LHFPL3: variants seen among roughly 807,000 people sequenced by gnomAD.
LHFPL3 encodes the protein LHFPL tetraspan subfamily member 3.
A neutral mutation model predicts 19.3 loss-of-function variants in LHFPL3; 5 were observed. The ratio of observed to expected loss-of-function variants is 0.26; its 90% CI spans 0.14 to 0.54. The LOEUF (loss-of-function observed/expected upper bound fraction) is 0.54. Among genes scored for constraint, LHFPL3 ranks in the 20% least tolerant of loss-of-function variants. The pLI is 0.94. For synonymous variants in LHFPL3, 133 were observed against 126.2 expected (o/e 1.05, Z -0.36); for missense variants, 249 against 307.4 (o/e 0.81, Z 1.42).
intron 1 of LHFPL3, among the ~76,000 whole-genome samples, chr7:104,548,025 G>C (rs1319725445): frequency 1.3e-5 from 2 of 152,104 alleles, no homozygotes; most frequent in African/African-American, 2.4e-5. Context: ...CATGCATCTA[G>C]GCAAATATGA....
intron 1 of LHFPL3, among the ~76,000 whole-genome samples, chr7:104,697,699 T>G (rs1793023936): frequency 6.6e-6 from 1 of 152,248 alleles, no homozygotes; most frequent in African/African-American, 2.4e-5. Flanking sequence ...CTTGAGCTTT[T>G]CATCTAACTT....
intron 1 of LHFPL3, among the ~76,000 whole-genome samples, chr7:104,659,704 T>C (rs1308609953): frequency 1.3e-5 from 2 of 152,150 alleles, no homozygotes; most frequent in Non-Finnish European, 2.9e-5. Context: ...TAGAAGGCCT[T>C]CACATTTGCG....
chr7:104,339,183 C>T (rs188070375), intron 1 of LHFPL3, among the ~76,000 whole-genome samples: 87 of 151,934 alleles, frequency 5.7e-4, no homozygotes, highest in African/African-American at 1.9e-3. Context: ...AGGAGGTGGA[C>T]GTTGCAGTGA....
At chr7:104,767,226 G>C (rs1794470334) in intron 2 of LHFPL3, among the ~76,000 whole-genome samples, 1 of 152,214 alleles carries the variant, frequency 6.6e-6, no homozygotes, top group Admixed American at 6.5e-5. Context: ...TATAGAAACT[G>C]TCACGATCAG....
Position 104,906,604 on chromosome 7 carries a change from G to T in LHFPL3, c.*389G>T, listed in dbSNP as rs1792620621. On this transcript the variant is annotated 3_prime_UTR_variant, in exon 3 of 3. Transcript: ENST00000424859. ...TTTTAAATCAAACTGAAAACAAAAA[G>T]CTTTAACCTTTCAACAGAATTTTTA... The T allele has an allele frequency of 1.1e-5, 2 of 182,728 alleles. No homozygotes were observed. Among genetic ancestry groups the T allele is most frequent in the Non-Finnish European group, 2.3e-5 (2 of 88,408 alleles). 11.3% of individuals were successfully genotyped at this position (182,728 alleles called of 1,614,324 possible).
intron 1 of LHFPL3, among the ~76,000 whole-genome samples, chr7:104,411,884 C>G (rs727789): frequency 6.6e-6 from 1 of 152,082 alleles, no homozygotes; most frequent in Non-Finnish European, 1.5e-5. Context: ...ACATACCAAG[C>G]AAGTAGCAAT....
chr7:104,371,152 T>G (rs180704298), intron 1 of LHFPL3, among the ~76,000 whole-genome samples: 3 of 152,348 alleles, frequency 2.0e-5, no homozygotes, highest in Admixed American at 1.3e-4. Flanking sequence ...TTTTTCTGAA[T>G]TCTTGAGAGC....
At chr7:104,589,519 T>A (rs1790660114) in intron 1 of LHFPL3, among the ~76,000 whole-genome samples, 2 of 152,156 alleles carry the variant, frequency 1.3e-5, no homozygotes, top group South Asian at 4.2e-4. Flanking sequence ...TTTGCCGGTA[T>A]TTTTTTTAGG....
chr7:104,502,696 A>C (rs1235312929), intron 1 of LHFPL3, among the ~76,000 whole-genome samples: 1 of 152,214 alleles, frequency 6.6e-6, no homozygotes, highest in African/African-American at 2.4e-5. Flanking sequence ...GGACTAAGAA[A>C]TGTGACTTGC....
chr7:104,760,579 AAAG>A (rs1316618070), intron 2 of LHFPL3, among the ~76,000 whole-genome samples: 3 of 152,012 alleles, frequency 2.0e-5, no homozygotes, highest in Admixed American at 2.0e-4. Context: ...GCATCTTTTT[AAAG>A]AAGTGGCTAC....
chr7:104,781,703 A>G (rs932433338), intron 2 of LHFPL3, among the ~76,000 whole-genome samples: 2 of 152,048 alleles, frequency 1.3e-5, no homozygotes, highest in East Asian at 1.9e-4. Context: ...ACTTTCTTCA[A>G]TGTCACCAGT....
intron 1 of LHFPL3, among the ~76,000 whole-genome samples, chr7:104,609,380 C>T (rs997716220): frequency 7.9e-5 from 12 of 152,322 alleles, no homozygotes; most frequent in Admixed American, 1.3e-4. Context: ...AACTACCCAT[C>T]TCCTGAAAGT....
chr7:104,673,517 A>G (rs895253565), intron 1 of LHFPL3, among the ~76,000 whole-genome samples: 1 of 152,214 alleles, frequency 6.6e-6, no homozygotes, highest in Non-Finnish European at 1.5e-5. Flanking sequence ...TGCATGGACT[A>G]CATGAAATCT....
chr7:104,675,332 G>T (rs1044720275), intron 1 of LHFPL3, among the ~76,000 whole-genome samples: 47 of 152,214 alleles, frequency 3.1e-4, no homozygotes, highest in Admixed American at 2.9e-3. Flanking sequence ...AGAGGGGAGA[G>T]TAGTGGCAGT....
At chr7:104,573,623 C>T (rs1243575970) in intron 1 of LHFPL3, among the ~76,000 whole-genome samples, 2 of 152,182 alleles carry the variant, frequency 1.3e-5, no homozygotes, top group African/African-American at 4.8e-5. Context: ...TTCACACCTA[C>T]ATCAGTCGCT....
At chr7:104,662,675 G>C (rs1274577885) in intron 1 of LHFPL3, among the ~76,000 whole-genome samples, 1 of 152,190 alleles carries the variant, frequency 6.6e-6, no homozygotes, top group Non-Finnish European at 1.5e-5. Flanking sequence ...CAACTGGCTT[G>C]CAAAGAGGGT....
intron 2 of LHFPL3, among the ~76,000 whole-genome samples, chr7:104,886,185 C>G (rs1236130147): frequency 6.6e-6 from 1 of 152,138 alleles, no homozygotes. Flanking sequence ...CCACTGTATC[C>G]CCACACCTAG....
In LHFPL3 at chr7:104,417,851, TTTCTAATTCTTCTTCTTCTTC is replaced by T. The variant is rs796455059; in HGVS notation, c.445+88632_445+88652del. ...ATTTTTACTGTTATTCGTATTTTCT[TTTCTAATTCTTCTTCTTCTTC>T]TTCTTCTTCTTCTTTTTTTTTTTTT... On this transcript the variant is annotated intron_variant, in intron 1 of 2. Coordinates refer to ENST00000424859, the MANE Select transcript of LHFPL3 (RefSeq NM_199000.3). Among the ~76,000 whole-genome samples the T allele has an allele frequency of 4.0e-5, 6 of 148,988 alleles. No individual in the cohort carries two copies. In the East Asian group the frequency reaches 7.7e-4, roughly 19 times the overall value.
At chr7:104,535,609 C>T (rs926444181) in intron 1 of LHFPL3, among the ~76,000 whole-genome samples, 1 of 152,158 alleles carries the variant, frequency 6.6e-6, no homozygotes, top group Non-Finnish European at 1.5e-5. Flanking sequence ...TTGAAAGGCA[C>T]AGAACACCTA....
Sources: gnomAD v4.1 joint callset for allele counts (sites outside exome capture counted in the v4.1 genomes callset) on GRCh38, gnomAD v4.1.1 for gene constraint, MANE v1.5 for transcripts, NCBI Gene and HGNC (gene_info 2026-07-23, HGNC 2026-07-21) for gene names.